The following DENND5B variants were observed in gnomAD, a reference collection of about 807,000 sequenced individuals.
DENND5B encodes the protein DENN domain containing 5B, also known as DENN domain-containing protein 5B.
In DENND5B, 34 loss-of-function variants were observed where a neutral mutation model predicts 140.6. The ratio of observed to expected loss-of-function variants is 0.24; its 90% CI spans 0.18 to 0.32. The LOEUF (loss-of-function observed/expected upper bound fraction) is 0.32. Ranked by LOEUF, DENND5B falls within the 10% of genes least tolerant of loss-of-function variation. The pLI, the probability that DENND5B is intolerant of heterozygous loss-of-function variation, is 1.00. For missense variants in DENND5B, 1,142 were observed against 1,560.2 expected (o/e 0.73, Z 4.52); for synonymous variants, 551 against 562.1 (o/e 0.98, Z 0.28).
intron 14 of DENND5B, among the ~76,000 whole-genome samples, chr12:31,405,879 T>C (rs528949565): frequency 1.3e-5 from 2 of 151,408 alleles, no homozygotes; most frequent in African/African-American, 4.9e-5. Flanking sequence ...GAAGTCTTGT[T>C]CTGATGCCCA....
At chr12:31,527,657 A>C (rs1948132901) in intron 1 of DENND5B, among the ~76,000 whole-genome samples, 1 of 152,130 alleles carries the variant, frequency 6.6e-6, no homozygotes, top group Non-Finnish European at 1.5e-5. Flanking sequence ...CCACACCTGT[A>C]ATCCCAGCTA....
intron 7 of DENND5B, among the ~76,000 whole-genome samples, chr12:31,435,785 C>T (rs1007764383): frequency 1.1e-4 from 16 of 152,140 alleles, no homozygotes; most frequent in African/African-American, 3.1e-4. Flanking sequence ...CTCAGTCTCC[C>T]GAATAGCTGG....
intron 3 of DENND5B, among the ~76,000 whole-genome samples, chr12:31,466,170 T>C (rs988334108): frequency 2.6e-5 from 4 of 151,852 alleles, no homozygotes; most frequent in African/African-American, 9.7e-5. Flanking sequence ...CTGGCCAACA[T>C]GGTGAAACCC....
chr12:31,485,899 G>A (rs778924394), intron 2 of DENND5B, among the ~76,000 whole-genome samples: 1 of 152,198 alleles, frequency 6.6e-6, no homozygotes, highest in Non-Finnish European at 1.5e-5. Context: ...CCTGGTCCAG[G>A]AGACAGGCCT....
intron 1 of DENND5B, among the ~76,000 whole-genome samples, chr12:31,544,399 A>G (rs1197267934): frequency 6.6e-6 from 1 of 152,178 alleles, no homozygotes; most frequent in African/African-American, 2.4e-5. Flanking sequence ...CTCCTGCCTC[A>G]GCCTTCCAAG....
intron 1 of DENND5B, among the ~76,000 whole-genome samples, chr12:31,545,811 T>C (rs1241184946): frequency 6.6e-6 from 1 of 151,736 alleles, no homozygotes; most frequent in Non-Finnish European, 1.5e-5. Flanking sequence ...AAACAAACAT[T>C]AGCCAGGTAT....
chr12:31,440,727 A>C (rs539000517), intron 7 of DENND5B, among the ~76,000 whole-genome samples: 10 of 152,230 alleles, frequency 6.6e-5, no homozygotes, highest in Admixed American at 2.6e-4. Flanking sequence ...TGATGCGATC[A>C]CATCATGGCT....
At chr12:31,540,067 C>G (rs1206518539) in intron 1 of DENND5B, among the ~76,000 whole-genome samples, 1 of 152,096 alleles carries the variant, frequency 6.6e-6, no homozygotes, top group Non-Finnish European at 1.5e-5. Flanking sequence ...TCTAGCATTT[C>G]TATAGGCCAA....
At chr12:31,449,640 C>T (rs1163532539) in intron 5 of DENND5B, among the ~76,000 whole-genome samples, 2 of 149,966 alleles carry the variant, frequency 1.3e-5, no homozygotes, top group East Asian at 3.9e-4. Flanking sequence ...TTTGAGGCTA[C>T]ATAAAGATTA....
At chr12:31,473,790 C>CA (rs1945665863) in intron 3 of DENND5B, among the ~76,000 whole-genome samples, 1 of 152,126 alleles carries the variant, frequency 6.6e-6, no homozygotes, top group Admixed American at 6.5e-5. Flanking sequence ...GGACAGTGCC[C>CA]AAAAGAGATC....
At chr12:31,515,380 T>A (rs1947593912) in intron 1 of DENND5B, among the ~76,000 whole-genome samples, 1 of 152,212 alleles carries the variant, frequency 6.6e-6, no homozygotes, top group Admixed American at 6.5e-5. Context: ...TCATTATTAT[T>A]ATTATTGTAA....
intron 4 of DENND5B, 129 bp from the exon 5 acceptor site, chr12:31,452,605 C>T (rs1471952667): frequency 1.3e-5 from 13 of 985,738 alleles, no homozygotes; most frequent in Non-Finnish European, 1.9e-5. Flanking sequence ...AAAAGGATCG[C>T]TTGAGCCCAG....
rs1393671502 is a variant in DENND5B, at chr12:31,480,340, A to G, written c.238-85T>C. Reference sequence around the variant, plus strand: ...ATAAATGTTGTTTTTTTAACATAACAGGATTCAAAAAGACAGGTTTTATCC... The same window carrying G: ...ATAAATGTTGTTTTTTTAACATAACGGGATTCAAAAAGACAGGTTTTATCC... On this transcript the variant is annotated intron_variant, in intron 2 of 20. Transcript: ENST00000389082. 2.3e-6 allele frequency: 3 copies of G among 1,303,582 alleles called. No homozygotes were observed. In the East Asian group the frequency reaches 7.7e-5, roughly 34 times the overall value. 80.8% of individuals were successfully genotyped at this position (1,303,582 alleles called of 1,614,324 possible).
chr12:31,569,877 T>A (rs1272744905), intron 1 of DENND5B, among the ~76,000 whole-genome samples: 1 of 151,482 alleles, frequency 6.6e-6, no homozygotes, highest in Non-Finnish European at 1.5e-5. Flanking sequence ...CTAAAATTCA[T>A]CTCAATTCAA....
At chr12:31,448,284 G>A (rs1944359615) in intron 5 of DENND5B, among the ~76,000 whole-genome samples, 1 of 152,074 alleles carries the variant, frequency 6.6e-6, no homozygotes, top group Non-Finnish European at 1.5e-5. Context: ...ACAGGCGCCT[G>A]CCACCACGCC....
At chr12:31,526,683 G>A (rs1948095870) in intron 1 of DENND5B, among the ~76,000 whole-genome samples, 1 of 152,176 alleles carries the variant, frequency 6.6e-6, no homozygotes, top group Non-Finnish European at 1.5e-5. Context: ...GGTATTAGTG[G>A]AAAAATTCAC....
chr12:31,482,733 C>G (rs1240848107), intron 2 of DENND5B, among the ~76,000 whole-genome samples: 3 of 152,082 alleles, frequency 2.0e-5, no homozygotes, highest in African/African-American at 7.2e-5. Context: ...TTGATCTTTA[C>G]GCTTACCACT....
chr12:31,463,749 C>A (rs1396680970), intron 3 of DENND5B, among the ~76,000 whole-genome samples: 1 of 152,180 alleles, frequency 6.6e-6, no homozygotes, highest in African/African-American at 2.4e-5. Flanking sequence ...GCAACCTCCA[C>A]TTCCTGGGTT....
Position 31,590,954 on chromosome 12 carries a change from T to G in DENND5B, c.-122A>C, listed in dbSNP as rs1274427062. The G allele has an allele frequency of 9.5e-7, 1 of 1,054,000 alleles. No homozygotes were observed. Among genetic ancestry groups the G allele is most frequent in the Non-Finnish European group, 1.2e-6 (1 of 863,458 alleles). The allele number at this position is 1,054,000 out of a possible 1,614,324, so 65.3% of individuals were successfully genotyped here. ...CCCTAGGGCGACACTGGCGCGCCCA[T>G]GGCCGCGCAGCCGCCTCTCGCCGCC... On this transcript the variant is annotated 5_prime_UTR_variant, in exon 1 of 21. An upstream start codon of the reference 5' UTR is lost. Transcript: ENST00000389082.
Sources: gnomAD v4.1 joint callset for allele counts (sites outside exome capture counted in the v4.1 genomes callset) on GRCh38, gnomAD v4.1.1 for gene constraint, MANE v1.5 for transcripts, NCBI Gene and HGNC (gene_info 2026-07-23, HGNC 2026-07-21) for gene names.